Variants in OVGP1 observed in about 807,000 individuals in gnomAD.
The protein encoded by OVGP1 is oviduct-specific glycoprotein.
OVGP1 carries 26 observed loss-of-function variants against 48.2 expected under a neutral mutation model. The ratio of observed to expected loss-of-function variants is 0.54; its 90% CI spans 0.40 to 0.75. The LOEUF (loss-of-function observed/expected upper bound fraction) is 0.75, where lower values mean the gene tolerates loss of function less well. Ranked by LOEUF, OVGP1 falls within the 30% of genes least tolerant of loss-of-function variation. The pLI is 0.00. For missense variants in OVGP1, 791 were observed against 820.6 expected (o/e 0.96, Z 0.44); for synonymous variants, 294 against 305.7 (o/e 0.96, Z 0.40).
intron 1 of OVGP1, 152 bp from the exon 2 acceptor site, chr1:111,427,243 CGTTTCCTA>C: frequency 2.0e-6 from 3 of 1,486,316 alleles, no homozygotes; most frequent in Non-Finnish European, 2.7e-6. Flanking sequence ...ACCATTTACT[CGTTTCCTA>C]GTTTCTAAAG....
chr1:111,423,459 G>A, intron 5 of OVGP1, 84 bp downstream of exon 5: 2 of 1,437,112 alleles, frequency 1.4e-6, no homozygotes, highest in South Asian at 1.3e-5. Context: ...CCTGGCCCTG[G>A]ACTTATGCTC....
intron 10 of OVGP1, 104 bp downstream of exon 10, chr1:111,416,219 A>G: frequency 8.0e-7 from 1 of 1,248,936 alleles, no homozygotes; most frequent in Non-Finnish European, 1.1e-6. Flanking sequence ...CTCTCCCCTC[A>G]ATGTCATGTT....
chr1:111,426,677 C>A (rs753461918), intron 2 of OVGP1, 36 bp from the exon 3 acceptor site: 2 of 1,600,656 alleles, frequency 1.2e-6, no homozygotes, highest in Admixed American at 3.5e-5. Context: ...TGGCAAAAAC[C>A]AAGGGAGGGG....
Position 111,415,287 on chromosome 1 carries a change from C to A in OVGP1, c.1214G>T (p.Ser405Ile). 1 of 1,614,050 alleles carries A rather than the reference C, an allele frequency of 6.2e-7. No individual in the cohort carries two copies. Among genetic ancestry groups the A allele is most frequent in the Non-Finnish European group, 8.5e-7 (1 of 1,179,966 alleles). ...FWLSSAVNSS[S>I]TDPERLAVTT... ...CACAGCCAGCCTTTCAGGGTCAGTG[C>A]TTGAAGAATTCACAGCAGATGACAG... Residue 405 changes from serine to isoleucine, a missense_variant, in exon 11 of 11, where the codon AGC becomes ATC. Physicochemically the swap from Ser to Ile is moderately radical, Grantham distance 142. Coordinates refer to ENST00000369732, the MANE Select transcript of OVGP1 (RefSeq NM_002557.4).
chr1:111,425,303 G>T, intron 4 of OVGP1, 80 bp downstream of exon 4: 2 of 1,550,428 alleles, frequency 1.3e-6, no homozygotes, highest in Non-Finnish European at 1.8e-6. Context: ...GCATGGCCAA[G>T]CTGCCTTCCC....
chr1:111,421,667 CA>C lies in OVGP1; in HGVS notation c.614del (p.Leu205ArgfsTer39), dbSNP rs770434518. The C allele has an allele frequency of 1.2e-5, 19 of 1,601,364 alleles. No homozygotes were observed. The highest frequency in any genetic ancestry group is 1.4e-5 in the Non-Finnish European group (16 of 1,168,638). On this transcript the variant is annotated frameshift_variant, in exon 7 of 11. Transcript: ENST00000369732. LOFTEE classifies it high-confidence loss of function. ...SYDVRFLGRLLDFINVLSYDL... is the reference protein window; with the variant it reads ...SYDVRFLGRLXDFINVLSYDL... The stretch of plus-strand genomic sequence containing the variant: ...CATAAGACAAGACATTGATGAAATC[CA>C]GGAGTCTGTAAGGGGCAGGAGGAAG...
intron 6 of OVGP1, 25 bp downstream of exon 6, chr1:111,422,902 C>G (rs201018480): frequency 1.3e-4 from 212 of 1,613,234 alleles, no homozygotes; most frequent in Non-Finnish European, 1.7e-4. Flanking sequence ...CAATGTCCTG[C>G]CCCACCAAAG....
At position 111,427,061 on chromosome 1, in the gene OVGP1, C is replaced by T. The variant is rs559190809; in HGVS notation, c.55+1G>A. ...TGGAAGGGAAAACACAGTTTCCTTA[C>T]CATCGTGGTGTTTCAGCACAAGAAC... On this transcript the variant is annotated splice_donor_variant, in intron 2 of 10. Transcript: ENST00000369732. LOFTEE classifies it high-confidence loss of function. The T allele has an allele frequency of 6.2e-7, 1 of 1,614,086 alleles. No individual in the cohort carries two copies.
chr1:111,415,452 A>C, intron 10 of OVGP1, 108 bp from the exon 11 acceptor site: 2 of 967,274 alleles, frequency 2.1e-6, no homozygotes, highest in South Asian at 1.7e-5. Context: ...TGCTCCAAAA[A>C]TTCAGAAGTG....
At chr1:111,416,176 A>T in intron 10 of OVGP1, 147 bp downstream of exon 10, 1 of 799,972 alleles carries the variant, frequency 1.3e-6, no homozygotes, top group Non-Finnish European at 1.8e-6. Flanking sequence ...CCCAACAAAG[A>T]CTGGAAAACA....
chr1:111,426,957 G>C, intron 2 of OVGP1, 105 bp downstream of exon 2: 6 of 1,595,164 alleles, frequency 3.8e-6, no homozygotes, highest in Non-Finnish European at 5.1e-6. Flanking sequence ...AATAATCCCT[G>C]TCAGAGAAGC....
In OVGP1 at chr1:111,414,416, T is replaced by C. The variant is rs769006882; in HGVS notation, c.*48A>G. 1.8e-5 allele frequency: 28 copies of C among 1,526,802 alleles called. No individual in the cohort carries two copies. The highest frequency in any genetic ancestry group is 2.5e-5 in the Non-Finnish European group (28 of 1,132,402). 94.6% of individuals were successfully genotyped at this position (1,526,802 alleles called of 1,614,324 possible). On this transcript the variant is annotated 3_prime_UTR_variant, in exon 11 of 11. Transcript: ENST00000369732. ...GATGAGAAGGCTTCCAACATGTCAC[T>C]TAGAAGAAAAGACAAGGGTTTTCCC...
At chr1:111,421,155 T>C (rs141465498) in intron 8 of OVGP1, 121 bp downstream of exon 8, 47 of 829,874 alleles carry the variant, frequency 5.7e-5, no homozygotes, top group Admixed American at 1.4e-4. Context: ...CTTGTACTAA[T>C]AGACCACCTC....
At chr1:111,415,605 G>C (rs974067981) in intron 10 of OVGP1, among the ~76,000 whole-genome samples, 4 of 152,156 alleles carry the variant, frequency 2.6e-5, no homozygotes, top group African/African-American at 9.7e-5. Flanking sequence ...AATGACCTCA[G>C]AAAGGAGCCC....
chr1:111,424,363 G>A (rs1213508623), intron 4 of OVGP1, among the ~76,000 whole-genome samples: 1 of 152,092 alleles, frequency 6.6e-6, no homozygotes. Flanking sequence ...TATTGGACCT[G>A]AACTTTAAGC....
intron 7 of OVGP1, 22 bp downstream of exon 7, chr1:111,421,543 C>A (rs1483303822): frequency 6.2e-7 from 1 of 1,609,102 alleles, no homozygotes; most frequent in South Asian, 1.1e-5. Context: ...TCTGGACCAC[C>A]TGAGATCTTT....
intron 2 of OVGP1, 38 bp downstream of exon 2, chr1:111,427,024 T>G (rs1384143434): frequency 6.2e-7 from 1 of 1,613,932 alleles, no homozygotes; most frequent in Non-Finnish European, 8.5e-7. Context: ...AGCCAGAGAC[T>G]CTCCCTGGCT....
chr1:111,426,866 T>G (rs1367971835), intron 2 of OVGP1, 196 bp downstream of exon 2: 1 of 1,548,758 alleles, frequency 6.5e-7, no homozygotes, highest in South Asian at 1.2e-5. Flanking sequence ...TCAGAACAGA[T>G]TCTCAAGTCT....
rs57751102 is a variant in OVGP1 at position 111,425,366 on chromosome 1, T to A, written c.317+17A>T. The A allele has an allele frequency of 7.5e-3, 12,075 of 1,613,364 alleles. 596 individuals are homozygous for A. The African/African-American group carries it at 0.12, about 16-fold the overall frequency. ...CTCCACCCTCCCAGGGAGAAGAGAA[T>A]AACAGCAAAGTCTCACCTTGAGGTG... On this transcript the variant is annotated intron_variant, in intron 4 of 10. Transcript: ENST00000369732.
Sources: gnomAD v4.1 joint callset for allele counts (sites outside exome capture counted in the v4.1 genomes callset) on GRCh38, gnomAD v4.1.1 for gene constraint, MANE v1.5 for transcripts, NCBI Gene and HGNC (gene_info 2026-07-23, HGNC 2026-07-21) for gene names.